Variants in SPEN observed in about 807,000 individuals in gnomAD.
SPEN encodes the protein spen family transcriptional repressor, also known as msx2-interacting protein.
In SPEN, 18 loss-of-function variants were observed where a neutral mutation model predicts 269.9. That is an observed-to-expected ratio of 0.07 (90% confidence interval 0.05 to 0.10). The LOEUF is 0.10. Ranked by LOEUF, SPEN falls within the 10% of genes least tolerant of loss-of-function variation. The pLI, the probability that SPEN is intolerant of heterozygous loss-of-function variation, is 1.00. For synonymous variants in SPEN, 1,726 were observed against 1,765.7 expected (o/e 0.98, Z 0.56); for missense variants, 3,822 against 4,631.2 (o/e 0.83, Z 5.07).
In SPEN at chr1:15,933,008, G is replaced by A. The variant is rs1404836483; in HGVS notation, c.6768G>A (p.Leu2256=). 1.2e-5 allele frequency: 19 copies of A among 1,614,040 alleles called. No individual in the cohort carries two copies. The highest frequency in any genetic ancestry group is 1.4e-5 in the Non-Finnish European group (17 of 1,179,988). Residue 2256 remains leucine, a synonymous_variant, in exon 11 of 15, where the codon CTG becomes CTA. Transcript: ENST00000375759. This position sits in a 1 kb window ranked among gnomAD's most constrained non-coding sequence, Gnocchi z 5.7. ...DLQPPAGAQA[L]QPSEEGMETD... ...AACCCCCCGCAGGTGCACAGGCGCT[G>A]CAGCCTTCTGAGGAAGGAATGGAGA...
intron 7 of SPEN, 123 bp from the exon 8 acceptor site, chr1:15,919,281 T>C: frequency 1.4e-6 from 1 of 725,634 alleles, no homozygotes; most frequent in Non-Finnish European, 2.2e-6. Flanking sequence ...TTTAACCAGA[T>C]GTTTCCCACT....
At chr1:15,891,986 A>G (rs1257998721) in intron 3 of SPEN, among the ~76,000 whole-genome samples, 3 of 145,698 alleles carry the variant, frequency 2.1e-5, no homozygotes, top group Non-Finnish European at 4.5e-5. Context: ...GCATATTACT[A>G]CATTAATTAC....
At chr1:15,918,385 A>G (rs751945549) in intron 6 of SPEN, among the ~76,000 whole-genome samples, 3 of 152,244 alleles carry the variant, frequency 2.0e-5, no homozygotes, top group South Asian at 4.2e-4. Flanking sequence ...TGCCTGGCTA[A>G]TTTTTGTATT....
rs771418115 is a variant in SPEN, at chr1:15,933,716, G to C, written c.7476G>C (p.Gln2492His). The C allele has an allele frequency of 6.2e-7, 1 of 1,614,064 alleles. No individual in the cohort carries two copies. Among genetic ancestry groups the C allele is most frequent in the South Asian group, 1.1e-5 (1 of 91,080 alleles). The stretch of plus-strand genomic sequence containing the variant: ...TCGCCTCTGGGGGGATCCCACACCA[G>C]AGCCCCCCTACTAAGGTGACAGAGT... ...PPVASGGIPHQSPPTKVTEWI... is the reference protein window; with the variant it reads ...PPVASGGIPHHSPPTKVTEWI... Residue 2492 changes from glutamine (Q) to histidine (H), a missense_variant, in exon 11 of 15, where the codon CAG (glutamine) becomes CAC (histidine). Transcript: ENST00000375759. This position sits in a 1 kb window ranked among gnomAD's most constrained non-coding sequence, Gnocchi z 5.7.
At chr1:15,860,288 G>A (rs2070431668) in intron 1 of SPEN, among the ~76,000 whole-genome samples, 1 of 151,868 alleles carries the variant, frequency 6.6e-6, no homozygotes, top group South Asian at 2.1e-4. Context: ...CCAGGTTGGA[G>A]GGGAGTGGTA....
At chr1:15,866,528 T>G (rs1284319341) in intron 1 of SPEN, among the ~76,000 whole-genome samples, 9 of 152,116 alleles carry the variant, frequency 5.9e-5, no homozygotes, top group Non-Finnish European at 1.3e-4. Flanking sequence ...TAATTTTTTG[T>G]ATTTTTAGTA....
At position 15,860,112 on chromosome 1, in the gene SPEN, T is replaced by C. The variant is rs111975575; in HGVS notation, c.83+11962T>C. 5.3e-4 allele frequency among the ~76,000 whole-genome samples: 80 copies of C among 149,566 alleles called. 3 individuals are homozygous for C. In the South Asian group the frequency reaches 0.015, roughly 28 times the overall value. On this transcript the variant is annotated intron_variant, in intron 1 of 14. Transcript: ENST00000375759. ...ATTTTTAGTAGAGACGGGGTTTCAC[T>C]GTGTTAGCCAGGATGGTCTCGATCT...
chr1:15,924,711 C>T (rs983933430), intron 10 of SPEN, among the ~76,000 whole-genome samples: 4 of 152,148 alleles, frequency 2.6e-5, no homozygotes, highest in Non-Finnish European at 5.9e-5. Flanking sequence ...CCGCCTGCCT[C>T]GGCCTCCCAA....
rs1476345558 is a variant in SPEN at position 15,937,315 on chromosome 1, G to A, written c.10179G>A (p.Lys3393=). Reference sequence around the variant, plus strand: ...TGCCTCAAGTGTCCCAGGAGGCAAAGGGGACCCAGACGGGAGTAGAGCAGC... The same window carrying A: ...TGCCTCAAGTGTCCCAGGAGGCAAAAGGGACCCAGACGGGAGTAGAGCAGC... The part of the protein sequence containing the change: ...SKMPQVSQEA[K]GTQTGVEQPR... Residue 3393 remains lysine, a synonymous_variant, in exon 12 of 15, where the codon AAG becomes AAA. Transcript: ENST00000375759. The surrounding 1 kb of genome is among the most constrained non-coding windows in gnomAD (Gnocchi z 5.7). The A allele has an allele frequency of 1.2e-6, 2 of 1,613,922 alleles. No individual in the cohort carries two copies. The highest frequency in any genetic ancestry group is 1.7e-6 in the Non-Finnish European group (2 of 1,179,996).
At chr1:15,917,732 T>G (rs2071079097) in intron 6 of SPEN, 1 of 153,510 alleles carries the variant, frequency 6.5e-6, no homozygotes, top group African/African-American at 2.4e-5. Context: ...TCTCATCTCC[T>G]CAAAATCTTT....
intron 1 of SPEN, among the ~76,000 whole-genome samples, chr1:15,853,612 G>T (rs2070357304): frequency 6.6e-6 from 1 of 151,826 alleles, no homozygotes; most frequent in Non-Finnish European, 1.5e-5. Context: ...TCCTGCCTCA[G>T]CCTCCTGAAT....
At chr1:15,865,167 T>C (rs2070491436) in intron 1 of SPEN, among the ~76,000 whole-genome samples, 1 of 151,942 alleles carries the variant, frequency 6.6e-6, no homozygotes, top group Admixed American at 6.6e-5. Flanking sequence ...TTCTCTTGCC[T>C]CAGCCTCCCG....
chr1:15,936,775 TAAAGAA>T (rs1004807056), intron 11 of SPEN, among the ~76,000 whole-genome samples: 9 of 152,254 alleles, frequency 5.9e-5, no homozygotes, highest in East Asian at 3.9e-4. Flanking sequence ...TGTCCCTACT[TAAAGAA>T]AAAGAAATCC....
intron 5 of SPEN, among the ~76,000 whole-genome samples, chr1:15,912,024 C>A (rs1225685235): frequency 6.6e-6 from 1 of 152,094 alleles, no homozygotes; most frequent in East Asian, 1.9e-4. Context: ...ACTTGTTAGA[C>A]CAGTTTTATT....
chr1:15,885,302 G>A (rs951957815), intron 3 of SPEN, among the ~76,000 whole-genome samples: 2 of 151,956 alleles, frequency 1.3e-5, no homozygotes, highest in African/African-American at 4.8e-5. Flanking sequence ...GTTCTGCTTC[G>A]TTATTACTTT....
intron 2 of SPEN, 126 bp from the exon 3 acceptor site, chr1:15,876,076 T>G: frequency 1.4e-6 from 1 of 695,548 alleles, no homozygotes; most frequent in Non-Finnish European, 2.5e-6. Flanking sequence ...ATTAAGTAGG[T>G]TAATGCTGTT....
intron 3 of SPEN, among the ~76,000 whole-genome samples, chr1:15,886,333 C>T (rs977608259): frequency 2.6e-5 from 4 of 152,134 alleles, no homozygotes; most frequent in Admixed American, 2.6e-4. Context: ...GCCCCTGCGT[C>T]TGAATATTGT....
intron 3 of SPEN, among the ~76,000 whole-genome samples, chr1:15,886,109 T>G (rs2070734047): frequency 6.6e-6 from 1 of 152,222 alleles, no homozygotes; most frequent in Non-Finnish European, 1.5e-5. Context: ...AGCATTTTAG[T>G]AAAGTTTTGT....
intron 1 of SPEN, among the ~76,000 whole-genome samples, chr1:15,859,389 G>A (rs2070419872): frequency 8.9e-6 from 1 of 112,548 alleles, no homozygotes; most frequent in Non-Finnish European, 1.7e-5. Context: ...AGGGAGTCTT[G>A]CTCTGTCGCC....
Sources: allele counts gnomAD v4.1 joint callset (sites outside exome capture counted in the v4.1 genomes callset), GRCh38; gene constraint gnomAD v4.1.1; non-coding constraint Gnocchi (gnomAD v3.1); transcripts MANE v1.5; gene names NCBI Gene and HGNC (gene_info 2026-07-23, HGNC 2026-07-21).